Variants in RBM5 observed in about 807,000 individuals in gnomAD.
RBM5 encodes the protein RNA binding motif protein 5, also known as RNA-binding protein 5.
In RBM5, 15 loss-of-function variants were observed where a neutral mutation model predicts 124.6. The observed-to-expected ratio is 0.12, with a 90% CI of 0.08 to 0.19. RBM5 has a LOEUF of 0.19. Ranked by LOEUF, RBM5 falls within the 10% of genes least tolerant of loss-of-function variation. RBM5 has a pLI of 1.00. For missense variants in RBM5, 580 were observed against 1,026.5 expected (o/e 0.57, Z 5.94); for synonymous variants, 337 against 361.2 (o/e 0.93, Z 0.76).
chr3:50,109,710 C>T (rs996413553), intron 15 of RBM5, 22 bp downstream of exon 15: 9 of 1,596,038 alleles, frequency 5.6e-6, no homozygotes, highest in Non-Finnish European at 7.7e-6. Context: ...GTCCTATATA[C>T]AAAACTCGTG....
intron 3 of RBM5, among the ~76,000 whole-genome samples, chr3:50,093,264 C>T (rs2090741886): frequency 6.6e-6 from 1 of 151,120 alleles, no homozygotes; most frequent in Non-Finnish European, 1.5e-5. Flanking sequence ...ATGGTGAAAC[C>T]CTGTCTCTAC....
intron 4 of RBM5, among the ~76,000 whole-genome samples, chr3:50,096,997 A>AT (rs2090830780): frequency 1.3e-5 from 2 of 152,108 alleles, no homozygotes; most frequent in South Asian, 2.1e-4. Context: ...AATCGGCTTG[A>AT]TTTGGCTGGA....
intron 17 of RBM5, chr3:50,111,026 T>C: frequency 2.1e-6 from 1 of 479,590 alleles, no homozygotes; most frequent in Non-Finnish European, 3.7e-6. Context: ...TGTTTATACA[T>C]GTCTATACAT....
Position 50,118,476 on chromosome 3 carries a change from A to G in RBM5, c.*20A>G. The stretch of plus-strand genomic sequence containing the variant: ...GAGTGAGAGAGAGAGAGAGAGAGAG[A>G]TGACAAGGAGCACAAGAAGTGGTCC... On this transcript the variant is annotated 3_prime_UTR_variant, in exon 25 of 25. Coordinates refer to ENST00000347869, the MANE Select transcript of RBM5 (RefSeq NM_005778.4). The G allele has an allele frequency of 6.2e-7, 1 of 1,603,468 alleles. No homozygotes were observed. Among genetic ancestry groups the G allele is most frequent in the Non-Finnish European group, 8.5e-7 (1 of 1,174,470 alleles).
chr3:50,115,479 G>C lies in RBM5; in HGVS notation c.1891G>C (p.Val631Leu). The C allele has an allele frequency of 6.2e-7, 1 of 1,614,174 alleles. No homozygotes were observed. Among genetic ancestry groups the C allele is most frequent in the South Asian group, 1.1e-5 (1 of 91,080 alleles). The change falls in exon 21 of 25, where the codon GTG (valine) becomes CTG (leucine). Residue 631 changes from valine to leucine, a missense_variant. This residue lies in a region of RBM5 where 234 missense variants were observed against 435.1 expected (regional missense o/e 0.54). Coordinates refer to ENST00000347869, the MANE Select transcript of RBM5 (RefSeq NM_005778.4). Reference sequence around the variant, plus strand: ...TGACAGTGACAATGAGGAGGAGCTGGTGGAGAGACTTGAGAGTGAGGAAGA... The same window carrying C: ...TGACAGTGACAATGAGGAGGAGCTGCTGGAGAGACTTGAGAGTGAGGAAGA... ...SGDSDNEEEL[V>L]ERLESEEEKL...
chr3:50,115,220 A>G, intron 20 of RBM5: 1 of 535,122 alleles, frequency 1.9e-6, no homozygotes, highest in Non-Finnish European at 3.2e-6. Flanking sequence ...AGGCTCCAAG[A>G]AGGTTGGTAC....
At chr3:50,106,329 A>G (rs1346981085) in intron 10 of RBM5, among the ~76,000 whole-genome samples, 1 of 151,376 alleles carries the variant, frequency 6.6e-6, no homozygotes, top group Non-Finnish European at 1.5e-5. Flanking sequence ...TTTAGTAGAG[A>G]TGGGGTTTCA....
At chr3:50,099,959 A>G in intron 4 of RBM5, 23 bp from the exon 5 acceptor site, 1 of 1,607,314 alleles carries the variant, frequency 6.2e-7, no homozygotes, top group Non-Finnish European at 8.5e-7. Flanking sequence ...CTTTAACTGT[A>G]AATAATGTAA....
intron 20 of RBM5, 53 bp downstream of exon 20, chr3:50,114,304 C>G (rs1174894699): frequency 6.5e-7 from 1 of 1,526,916 alleles, no homozygotes; most frequent in Non-Finnish European, 8.9e-7. Flanking sequence ...TTGTGTCTCA[C>G]TTTAAGGCTC....
chr3:50,117,867 C>T lies in RBM5; in HGVS notation c.2323-464C>T, dbSNP rs370376588. ...ACATTGAGGCATCATATCCCAGGAT[C>T]GGAGGCCCCTACCCACTGGCCTTCT... On this transcript the variant is annotated intron_variant, in intron 24 of 24. Transcript: ENST00000347869. The surrounding 1 kb of genome is among the most constrained non-coding windows in gnomAD (Gnocchi z 4.2). 2.5e-4 allele frequency: 44 copies of T among 174,816 alleles called. No homozygotes were observed. The highest frequency in any genetic ancestry group is 2.3e-3 in the East Asian group (15 of 6,484). The allele number at this position is 174,816 out of a possible 1,614,324, so 10.8% of individuals were successfully genotyped here.
At chr3:50,099,874 T>TA (rs148796424) in intron 4 of RBM5, 108 bp from the exon 5 acceptor site, 138,593 of 781,560 alleles carry the variant, frequency 0.18, 43 homozygotes, top group East Asian at 0.21. Flanking sequence ...ACTCCCATCT[T>TA]AAAAAAAAAA....
At chr3:50,110,354 A>G in intron 15 of RBM5, 25 bp from the exon 16 acceptor site, 1 of 1,606,224 alleles carries the variant, frequency 6.2e-7, no homozygotes, top group Non-Finnish European at 8.5e-7. Context: ...AGTTGAAATT[A>G]TATTGAAGCT....
chr3:50,114,110 G>A lies in RBM5; in HGVS notation c.1767+11G>A, dbSNP rs532831626. On this transcript the variant is annotated intron_variant, in intron 19 of 24. Coordinates refer to ENST00000347869, the MANE Select transcript of RBM5 (RefSeq NM_005778.4). The stretch of plus-strand genomic sequence containing the variant: ...CTCTTTGAGAAGAAGGTAATAGCAG[G>A]AATGGCCAGTATGTCATGATGGGAA... 140 of 1,614,164 alleles carry A rather than the reference G, an allele frequency of 8.7e-5. 1 individual carries two copies. In the South Asian group the frequency reaches 1.5e-3, roughly 17 times the overall value.
intron 3 of RBM5, among the ~76,000 whole-genome samples, chr3:50,093,440 CAA>C (rs575148089): frequency 4.0e-4 from 35 of 88,454 alleles, no homozygotes; most frequent in Non-Finnish European, 4.5e-4. Flanking sequence ...GAAACTGTCT[CAA>C]AAAAAAAAAA....
At chr3:50,095,200 CAAAAA>C (rs900430553) in intron 4 of RBM5, among the ~76,000 whole-genome samples, 18 of 152,022 alleles carry the variant, frequency 1.2e-4, no homozygotes, top group Non-Finnish European at 1.9e-4. Context: ...GACCCTGTCT[CAAAAA>C]CAAAAAGAAG....
intron 3 of RBM5, among the ~76,000 whole-genome samples, 181 bp downstream of exon 3, chr3:50,092,389 C>T (rs1337933733): frequency 6.6e-6 from 1 of 151,920 alleles, no homozygotes; most frequent in African/African-American, 2.4e-5. Flanking sequence ...TAGTAAAACC[C>T]GTCTCTACTA....
Position 50,100,392 on chromosome 3 carries a change from C to A in RBM5, c.410-140C>A. The A allele has an allele frequency of 1.4e-6, 1 of 701,750 alleles. No individual in the cohort carries two copies. 43.5% of individuals were successfully genotyped at this position (701,750 alleles called of 1,614,324 possible). ...TGCCATGGCAAAGTATCAAGAAGAT[C>A]CCCAAGTCAAGTCACATTTGTAAAG... is the stretch of plus-strand genomic sequence containing the variant. On this transcript the variant is annotated intron_variant, in intron 5 of 24. Coordinates refer to ENST00000347869, the MANE Select transcript of RBM5 (RefSeq NM_005778.4). This position sits in a 1 kb window ranked among gnomAD's most constrained non-coding sequence, Gnocchi z 5.1.
At chr3:50,116,911 A>G in intron 22 of RBM5, 163 bp from the exon 23 acceptor site, 1 of 627,954 alleles carries the variant, frequency 1.6e-6, no homozygotes. Flanking sequence ...AGATATGACT[A>G]GGTATGATGA....
rs2091042914 is a variant in RBM5 at position 50,106,873 on chromosome 3, C to T, written c.953+9C>T. 1 of 1,565,728 alleles carries T rather than the reference C, an allele frequency of 6.4e-7. No homozygotes were observed. The highest frequency in any genetic ancestry group is 8.8e-7 in the Non-Finnish European group (1 of 1,136,030). On this transcript the variant is annotated intron_variant, in intron 11 of 24. Coordinates refer to ENST00000347869, the MANE Select transcript of RBM5 (RefSeq NM_005778.4). The stretch of plus-strand genomic sequence containing the variant: ...GCAAAAAGTGCCAGAAAGTGAGTGG[C>T]TTCATTGTCCTTATTTCAAACTACT...
Sources: allele counts gnomAD v4.1 joint callset (sites outside exome capture counted in the v4.1 genomes callset), GRCh38; gene constraint gnomAD v4.1.1; regional missense constraint gnomAD v4.1.1; non-coding constraint Gnocchi (gnomAD v3.1); transcripts MANE v1.5; gene names NCBI Gene and HGNC (gene_info 2026-07-23, HGNC 2026-07-21).